Variants in NR2C1 observed in about 807,000 individuals in gnomAD.
NR2C1 encodes the protein TR2 nuclear hormone receptor.
NR2C1 carries 33 observed loss-of-function variants against 74.8 expected under a neutral mutation model. That is an observed-to-expected ratio of 0.44 (90% confidence interval 0.33 to 0.59). NR2C1 has a LOEUF of 0.59. Among genes scored for constraint, NR2C1 ranks in the 20% least tolerant of loss-of-function variants. The pLI is 0.02. For missense variants in NR2C1, 568 were observed against 715.6 expected, an observed-to-expected ratio of 0.79 and a Z score of 2.35; for synonymous variants, 225 against 240.6, an observed-to-expected ratio of 0.94 and a Z score of 0.60.
At chr12:95,051,373 C>T (rs999845215) in intron 8 of NR2C1, among the ~76,000 whole-genome samples, 4 of 152,214 alleles carry the variant, frequency 2.6e-5, no homozygotes, top group Admixed American at 1.3e-4. Flanking sequence ...CAAGTAAGCA[C>T]GCCCACTAAG....
chr12:95,063,412 C>G (rs538313046), intron 2 of NR2C1, among the ~76,000 whole-genome samples: 1 of 152,264 alleles, frequency 6.6e-6, no homozygotes, highest in Admixed American at 6.5e-5. Context: ...ACAGGGATTA[C>G]AGTAGAATAT....
At chr12:95,045,612 G>A (rs1872213815) in intron 9 of NR2C1, among the ~76,000 whole-genome samples, 2 of 152,082 alleles carry the variant, frequency 1.3e-5, no homozygotes, top group South Asian at 4.1e-4. Context: ...TGCCTCTAAA[G>A]TTGCAAACAT....
chr12:95,043,874 G>A (rs17023597), intron 9 of NR2C1, among the ~76,000 whole-genome samples: 3,151 of 152,136 alleles, frequency 0.021, 101 homozygotes, highest in African/African-American at 0.071. Flanking sequence ...AAAGGGACTC[G>A]TTATTTAAAA....
At chr12:95,049,266 C>T in intron 8 of NR2C1, 33 bp from the exon 9 acceptor site, 2 of 1,577,808 alleles carry the variant, frequency 1.3e-6, no homozygotes, top group Middle Eastern at 1.7e-4. Context: ...ATGAGCTTGA[C>T]CAAACACCGC....
intron 9 of NR2C1, among the ~76,000 whole-genome samples, chr12:95,043,338 C>A (rs1371967192): frequency 6.6e-6 from 1 of 151,872 alleles, no homozygotes; most frequent in Non-Finnish European, 1.5e-5. Flanking sequence ...AAGGGAATTA[C>A]CAAAAATTAC....
intron 11 of NR2C1, 71 bp from the exon 12 acceptor site, chr12:95,028,595 T>G: frequency 8.6e-7 from 1 of 1,160,212 alleles, no homozygotes; most frequent in Non-Finnish European, 1.2e-6. Flanking sequence ...CCAATATATT[T>G]CCCTCTCAGG....
intron 2 of NR2C1, among the ~76,000 whole-genome samples, chr12:95,066,423 T>C (rs1482282767): frequency 6.6e-6 from 1 of 152,150 alleles, no homozygotes; most frequent in Non-Finnish European, 1.5e-5. Flanking sequence ...TCACCATATA[T>C]ATACATATAC....
chr12:95,051,973 G>A, intron 7 of NR2C1, 30 bp from the exon 8 acceptor site: 1 of 1,433,202 alleles, frequency 7.0e-7, no homozygotes, highest in East Asian at 2.4e-5. Flanking sequence ...AAAATTCTGT[G>A]AATTGGTATC....
intron 1 of NR2C1, chr12:95,072,890 C>G (rs1308797272): frequency 6.6e-6 from 1 of 152,236 alleles, no homozygotes; most frequent in African/African-American, 2.4e-5. Context: ...CGTGAAAGCA[C>G]GGGAGTTAGT....
chr12:95,039,812 T>C (rs954986831), intron 10 of NR2C1, among the ~76,000 whole-genome samples: 1 of 152,172 alleles, frequency 6.6e-6, no homozygotes, highest in African/African-American at 2.4e-5. Flanking sequence ...AAACATTTTT[T>C]TTCTTTTTGT....
chr12:95,034,653 G>A (rs1870586516), intron 10 of NR2C1, among the ~76,000 whole-genome samples: 2 of 152,120 alleles, frequency 1.3e-5, no homozygotes, highest in Non-Finnish European at 1.5e-5. Flanking sequence ...ATATACAATG[G>A]TGGTCCCTTA....
In NR2C1 at chr12:95,057,714, T is replaced by C. The variant is rs1874130561; in HGVS notation, c.692+17A>G. 1 of 1,613,168 alleles carries C rather than the reference T, an allele frequency of 6.2e-7. No homozygotes were observed. The highest frequency in any genetic ancestry group is 8.5e-7 in the Non-Finnish European group (1 of 1,179,594). ...AAAAACAAAATGACCAGCTACTCAGTGTCTGTTTTACTTTACCTTGTACTT... is the reference window on the plus strand; with the variant it reads ...AAAAACAAAATGACCAGCTACTCAGCGTCTGTTTTACTTTACCTTGTACTT... On this transcript the variant is annotated intron_variant, in intron 6 of 13. Coordinates refer to ENST00000333003, the MANE Select transcript of NR2C1 (RefSeq NM_003297.4).
chr12:95,040,721 T>C (rs2136126223), intron 9 of NR2C1, 124 bp from the exon 10 acceptor site: 4 of 883,350 alleles, frequency 4.5e-6, no homozygotes, highest in Non-Finnish European at 4.9e-6. Flanking sequence ...AAAAAGCTAA[T>C]CTTGAAATAA....
intron 8 of NR2C1, among the ~76,000 whole-genome samples, chr12:95,050,411 C>T (rs150689267): frequency 0.012 from 1,902 of 152,230 alleles, 28 homozygotes; most frequent in African/African-American, 0.044. Flanking sequence ...GGGGTTCAAG[C>T]GGTTCTCCTG....
intron 7 of NR2C1, 66 bp from the exon 8 acceptor site, chr12:95,052,009 C>A: frequency 9.5e-7 from 1 of 1,048,756 alleles, no homozygotes; most frequent in Non-Finnish European, 1.4e-6. Flanking sequence ...CTGAAATATC[C>A]AATTATAGAT....
chr12:95,033,838 A>G (rs1248179093), intron 10 of NR2C1, among the ~76,000 whole-genome samples: 1 of 152,238 alleles, frequency 6.6e-6, no homozygotes, highest in Non-Finnish European at 1.5e-5. Context: ...CGAGTACAGA[A>G]CAGGCAGATG....
intron 8 of NR2C1, among the ~76,000 whole-genome samples, chr12:95,049,869 C>G (rs761147993): frequency 6.6e-6 from 1 of 152,164 alleles, no homozygotes; most frequent in Non-Finnish European, 1.5e-5. Flanking sequence ...GATCATGGCT[C>G]ACTGTAATCC....
chr12:95,042,891 GT>G (rs1404956928), intron 9 of NR2C1, among the ~76,000 whole-genome samples: 1 of 134,256 alleles, frequency 7.4e-6, no homozygotes, highest in Non-Finnish European at 1.5e-5. Context: ...GAAGCCAGTA[GT>G]TCAAGACCGG....
intron 11 of NR2C1, 86 bp from the exon 12 acceptor site, chr12:95,028,610 T>C: frequency 9.6e-7 from 1 of 1,047,066 alleles, no homozygotes; most frequent in Non-Finnish European, 1.4e-6. Context: ...CTCAGGAATT[T>C]TGAAAAATTT....
Sources: allele counts gnomAD v4.1 joint callset (sites outside exome capture counted in the v4.1 genomes callset), GRCh38; gene constraint gnomAD v4.1.1; transcripts MANE v1.5; gene names NCBI Gene and HGNC (gene_info 2026-07-23, HGNC 2026-07-21).